The following CFAP53 variants were observed in gnomAD, a reference collection of about 807,000 sequenced individuals.
CFAP53 encodes the protein cilia and flagella associated protein 53.
CFAP53 carries 62 observed loss-of-function variants against 59.7 expected under a neutral mutation model. The ratio of observed to expected loss-of-function variants is 1.04; its 90% CI spans 0.85 to 1.28. CFAP53 has a LOEUF of 1.28. Among genes scored for constraint, CFAP53 ranks in the 50% most tolerant of loss-of-function variants. The pLI is 0.00. For missense variants in CFAP53, 629 were observed against 615.6 expected, an observed-to-expected ratio of 1.02 and a Z score of -0.23; for synonymous variants, 218 against 205.7, an observed-to-expected ratio of 1.06 and a Z score of -0.51.
chr18:50,259,027 T>A (rs879159204), intron 3 of CFAP53, among the ~76,000 whole-genome samples: 1 of 152,192 alleles, frequency 6.6e-6, no homozygotes. Flanking sequence ...ACAACCACTA[T>A]GGAGAACAGT....
rs1355975732 is a variant in CFAP53 at position 50,266,373 on chromosome 18, C to T, written c.32G>A (p.Arg11Gln). Residue 11 changes from arginine to glutamine, a missense_variant, in exon 1 of 8, where the codon CGG becomes CAG. By Grantham distance (43) the Arg-to-Gln change is conservative (BLOSUM62 1). Transcript: ENST00000398545. MYSQRFGTVQ[R>Q]EVKGPTPKVV... is the part of the protein sequence containing the mutation. ...TTTGGGGGTGGGGCCCTTAACCTCC[C>T]GCTGTACGGTGCCAAACCGCTGGCT... 2.5e-6 allele frequency: 4 copies of T among 1,614,268 alleles called. No homozygotes were observed. Among genetic ancestry groups the T allele is most frequent in the South Asian group, 1.1e-5 (1 of 91,090 alleles).
At chr18:50,264,997 T>C (rs1166600984) in intron 1 of CFAP53, among the ~76,000 whole-genome samples, 1 of 152,238 alleles carries the variant, frequency 6.6e-6, no homozygotes, top group Admixed American at 6.5e-5. Flanking sequence ...GGTCTATAGG[T>C]TGACTGAAGT....
intron 5 of CFAP53, among the ~76,000 whole-genome samples, chr18:50,244,685 C>T (rs553656433): frequency 6.6e-6 from 1 of 152,006 alleles, no homozygotes; most frequent in African/African-American, 2.4e-5. Context: ...AGCATGACAG[C>T]CCACTTGAAG....
In CFAP53 at chr18:50,237,737, C is replaced by T. The variant is rs191924184; in HGVS notation, c.1316+866G>A. Among the ~76,000 whole-genome samples, 472 of 152,184 alleles carry T rather than the reference C, an allele frequency of 3.1e-3. 15 individuals are homozygous for T. Among genetic ancestry groups the T allele is most frequent in the Admixed American group, 0.029 (442 of 15,268 alleles). ...ACTGCAGGGAGGTAGCTGCCTGTTT[C>T]CCCCACCTGAGCCTGGTTGTGGTGA... On this transcript the variant is annotated intron_variant, in intron 7 of 7. Coordinates refer to ENST00000398545, the MANE Select transcript of CFAP53 (RefSeq NM_145020.5).
intron 3 of CFAP53, among the ~76,000 whole-genome samples, chr18:50,260,516 T>A (rs988023374): frequency 2.0e-5 from 3 of 151,986 alleles, no homozygotes; most frequent in African/African-American, 7.3e-5. Flanking sequence ...TACAAAAAAA[T>A]TAGCTGGGCA....
intron 6 of CFAP53, among the ~76,000 whole-genome samples, chr18:50,239,258 C>T (rs1023660936): frequency 6.6e-6 from 1 of 151,660 alleles, no homozygotes; most frequent in Non-Finnish European, 1.5e-5. Flanking sequence ...CATGGTGGTG[C>T]GTGCCTGTAA....
At chr18:50,257,491 A>G (rs1210597183) in intron 3 of CFAP53, among the ~76,000 whole-genome samples, 1 of 152,244 alleles carries the variant, frequency 6.6e-6, no homozygotes, top group African/African-American at 2.4e-5. Context: ...AACGTGAAAA[A>G]GAAATTTAAA....
At chr18:50,238,190 A>G (rs1031220108) in intron 7 of CFAP53, among the ~76,000 whole-genome samples, 2 of 152,360 alleles carry the variant, frequency 1.3e-5, no homozygotes, top group South Asian at 4.1e-4. Flanking sequence ...CAAGTGTAAT[A>G]CTAATGTAAA....
At chr18:50,259,356 A>G (rs1158359514) in intron 3 of CFAP53, among the ~76,000 whole-genome samples, 3 of 152,166 alleles carry the variant, frequency 2.0e-5, no homozygotes, top group African/African-American at 7.2e-5. Context: ...AGGCACAGAA[A>G]GACAAACATT....
chr18:50,245,314 G>A (rs1470868484), intron 5 of CFAP53, among the ~76,000 whole-genome samples: 3 of 150,214 alleles, frequency 2.0e-5, no homozygotes, highest in African/African-American at 4.9e-5. Flanking sequence ...CCCAGGAAGC[G>A]GAGCTTGCAG....
intron 1 of CFAP53, among the ~76,000 whole-genome samples, chr18:50,264,371 G>A (rs2033918757): frequency 6.6e-6 from 1 of 152,174 alleles, no homozygotes; most frequent in Admixed American, 6.5e-5. Flanking sequence ...TTACATCCTA[G>A]GTTTGATTCT....
chr18:50,232,240 A>T (rs575172495), intron 7 of CFAP53, among the ~76,000 whole-genome samples: 61 of 152,186 alleles, frequency 4.0e-4, no homozygotes, highest in Non-Finnish European at 7.2e-4. Context: ...GTATCCTAAA[A>T]CATTAAGACA....
intron 1 of CFAP53, among the ~76,000 whole-genome samples, chr18:50,265,816 T>C (rs992864211): frequency 6.6e-5 from 10 of 152,248 alleles, no homozygotes; most frequent in Non-Finnish European, 1.0e-4. Flanking sequence ...GGGACACTTC[T>C]GTCCAGCAAT....
chr18:50,239,822 A>G (rs923888296), intron 6 of CFAP53, among the ~76,000 whole-genome samples: 2 of 152,206 alleles, frequency 1.3e-5, no homozygotes, highest in African/African-American at 4.8e-5. Context: ...CTAGAAGAAA[A>G]TACACAAAGC....
chr18:50,263,698 C>G (rs920703974), intron 1 of CFAP53, among the ~76,000 whole-genome samples: 2 of 152,140 alleles, frequency 1.3e-5, no homozygotes, highest in African/African-American at 4.8e-5. Flanking sequence ...GCATACACAG[C>G]AGGAATTAAG....
chr18:50,230,141 TC>T (rs756097035), intron 7 of CFAP53, among the ~76,000 whole-genome samples: 1 of 152,216 alleles, frequency 6.6e-6, no homozygotes, highest in Non-Finnish European at 1.5e-5. Flanking sequence ...TGATCTTTGT[TC>T]CTAGTTCTTG....
intron 7 of CFAP53, 40 bp from the exon 8 acceptor site, chr18:50,227,649 T>C (rs1264872940): frequency 1.4e-6 from 2 of 1,431,046 alleles, no homozygotes; most frequent in Non-Finnish European, 2.0e-6. Context: ...ATTATAAAAG[T>C]AAGCATTTAG....
chr18:50,241,766 AAGG>A (rs1216411199), intron 6 of CFAP53, among the ~76,000 whole-genome samples: 3 of 152,122 alleles, frequency 2.0e-5, no homozygotes, highest in Non-Finnish European at 4.4e-5. Flanking sequence ...TAAAGATCAC[AAGG>A]AGAAGGCAAA....
chr18:50,248,532 C>G (rs1243670531), intron 5 of CFAP53, among the ~76,000 whole-genome samples: 1 of 152,084 alleles, frequency 6.6e-6, no homozygotes, highest in Non-Finnish European at 1.5e-5. Flanking sequence ...GCCTGTAATC[C>G]AAGCACTTTG....
Sources: allele counts gnomAD v4.1 joint callset (sites outside exome capture counted in the v4.1 genomes callset), GRCh38; gene constraint gnomAD v4.1.1; transcripts MANE v1.5; gene names NCBI Gene and HGNC (gene_info 2026-07-23, HGNC 2026-07-21).